Variants in APP observed in about 807,000 individuals in gnomAD.
APP encodes the protein amyloid-beta precursor protein.
APP carries 31 observed loss-of-function variants against 101.4 expected under a neutral mutation model. The ratio of observed to expected loss-of-function variants is 0.31; its 90% CI spans 0.23 to 0.41. APP has a LOEUF of 0.41. Among genes scored for constraint, APP ranks in the 10% least tolerant of loss-of-function variants. The probability of loss-of-function intolerance (pLI) is 1.00; values close to 1 mark genes in which losing one functional copy is unlikely to be tolerated. For synonymous variants in APP, 366 were observed against 364.4 expected, an observed-to-expected ratio of 1.00 and a Z score of -0.05; for missense variants, 839 against 1,003.7, an observed-to-expected ratio of 0.84 and a Z score of 2.22.
rs562765813 is a variant in APP, at chr21:26,126,181, G to A, written c.58-14035C>T. Among the ~76,000 whole-genome samples, 12 of 152,282 alleles carry A rather than the reference G, an allele frequency of 7.9e-5. No individual in the cohort carries two copies. The South Asian group carries it at 1.5e-3, about 18-fold the overall frequency. On this transcript the variant is annotated intron_variant, in intron 1 of 17. Transcript: ENST00000346798. ...CTAAGAGAAGAACACAACTGTGATC[G>A]CAAAACAGATAACATCACATAGATT...
At chr21:26,111,244 G>A (rs1351267921) in intron 2 of APP, among the ~76,000 whole-genome samples, 1 of 152,082 alleles carries the variant, frequency 6.6e-6, no homozygotes, top group African/African-American at 2.4e-5. Context: ...TGAGCTTTCT[G>A]AGTATATTTC....
intron 3 of APP, among the ~76,000 whole-genome samples, chr21:26,074,410 T>A (rs1239870068): frequency 6.6e-6 from 1 of 152,212 alleles, no homozygotes; most frequent in African/African-American, 2.4e-5. Context: ...GAATCTGAAA[T>A]TTCTAAAATC....
intron 1 of APP, among the ~76,000 whole-genome samples, chr21:26,117,111 T>C (rs1345585675): frequency 6.6e-6 from 1 of 152,200 alleles, no homozygotes; most frequent in Non-Finnish European, 1.5e-5. Context: ...CTCGAACTCC[T>C]GGCCTCAAGT....
intron 1 of APP, 80 bp from the exon 2 acceptor site, chr21:26,112,226 AAAAAGAG>A (rs2062344345): frequency 6.9e-7 from 1 of 1,447,636 alleles, no homozygotes; most frequent in African/African-American, 1.4e-5. Flanking sequence ...GATAACTATC[AAAAAGAG>A]TTCTATTCTT....
chr21:25,914,699 G>A (rs971161616), intron 13 of APP, among the ~76,000 whole-genome samples: 7 of 152,080 alleles, frequency 4.6e-5, no homozygotes, highest in Admixed American at 6.5e-5. Context: ...GACTACAGGC[G>A]CCCGCCACCA....
chr21:25,891,227 TTAAAG>T (rs2037675593), intron 17 of APP, among the ~76,000 whole-genome samples: 1 of 152,186 alleles, frequency 6.6e-6, no homozygotes, highest in Non-Finnish European at 1.5e-5. Context: ...CTGAGAAACT[TTAAAG>T]GTAAGAGTCT....
chr21:26,108,849 A>G (rs898567545), intron 2 of APP, among the ~76,000 whole-genome samples: 1 of 152,172 alleles, frequency 6.6e-6, no homozygotes, highest in Non-Finnish European at 1.5e-5. Context: ...GTGCCACTGC[A>G]CTGCAGCCTG....
chr21:26,168,054 C>A (rs1300910938), intron 1 of APP, among the ~76,000 whole-genome samples: 1 of 151,900 alleles, frequency 6.6e-6, no homozygotes, highest in Non-Finnish European at 1.5e-5. Flanking sequence ...TAGGTTAAAC[C>A]CTCAACAGAG....
chr21:25,944,447 T>G (rs146603651), intron 13 of APP, among the ~76,000 whole-genome samples: 1 of 152,324 alleles, frequency 6.6e-6, no homozygotes, highest in East Asian at 1.9e-4. Context: ...CAGCCCATAG[T>G]GCATACGGCA....
At chr21:25,958,908 T>C (rs1180678657) in intron 11 of APP, among the ~76,000 whole-genome samples, 1 of 152,184 alleles carries the variant, frequency 6.6e-6, no homozygotes, top group East Asian at 1.9e-4. Context: ...GACAGAGTCA[T>C]AGCAGCTCTC....
chr21:25,918,229 A>G (rs1282806146), intron 13 of APP, among the ~76,000 whole-genome samples: 2 of 152,234 alleles, frequency 1.3e-5, no homozygotes, highest in African/African-American at 2.4e-5. Flanking sequence ...ACATGCACAC[A>G]TATGTTTACT....
chr21:25,901,652 T>G (rs2038497359), intron 15 of APP, among the ~76,000 whole-genome samples: 1 of 152,230 alleles, frequency 6.6e-6, no homozygotes, highest in South Asian at 2.1e-4. Flanking sequence ...TAGTTTCAAA[T>G]AAATGGCAGG....
intron 13 of APP, among the ~76,000 whole-genome samples, chr21:25,938,869 CCT>C (rs2040459379): frequency 6.6e-6 from 1 of 152,322 alleles, no homozygotes. Flanking sequence ...GCTAGCTTCC[CCT>C]GTTCGTGGAT....
intron 1 of APP, chr21:26,140,382 G>A (rs1249401794): frequency 1.4e-6 from 2 of 1,465,706 alleles, no homozygotes; most frequent in African/African-American, 2.8e-5. Flanking sequence ...CAGCAAGGCT[G>A]TGCTATTTAG....
chr21:26,136,202 A>AAAGAAAAAGAAAGAAAGAAAG (rs137962980), intron 1 of APP, among the ~76,000 whole-genome samples: 3 of 100,604 alleles, frequency 3.0e-5, no homozygotes, highest in East Asian at 2.6e-4. Flanking sequence ...AGAAAGAAAG[A>AAAGAAAAAGAAAGAAAGAAAG]AAAGAAAAGA....
chr21:26,170,611 C>A lies in APP; in HGVS notation c.10G>T (p.Gly4Cys). MLP[G>C]LALLLLAAWT... ...GCGGCCAGCAGGAGCAGTGCCAAAC[C>A]GGGCAGCATCGCGACCCTGCGCGGG... The change falls in exon 1 of 18, where the codon GGT (glycine) becomes TGT (cysteine). Residue 4 changes from glycine (G) to cysteine (C), a missense_variant. Coordinates refer to ENST00000346798, the MANE Select transcript of APP (RefSeq NM_000484.4). The A allele has an allele frequency of 6.5e-7, 1 of 1,536,810 alleles. No homozygotes were observed. Among genetic ancestry groups the A allele is most frequent in the Non-Finnish European group, 8.7e-7 (1 of 1,145,734 alleles).
intron 14 of APP, among the ~76,000 whole-genome samples, chr21:25,905,613 T>C (rs1173793091): frequency 6.6e-6 from 1 of 152,208 alleles, no homozygotes; most frequent in African/African-American, 2.4e-5. Flanking sequence ...AATTTGTCCT[T>C]AGTATGAGGG....
chr21:26,074,270 T>C (rs1193475124), intron 3 of APP, among the ~76,000 whole-genome samples: 1 of 152,140 alleles, frequency 6.6e-6, no homozygotes, highest in Non-Finnish European at 1.5e-5. Context: ...TACCTACATC[T>C]ATTAATACAC....
At chr21:26,057,218 T>G (rs944077049) in intron 3 of APP, among the ~76,000 whole-genome samples, 3 of 152,244 alleles carry the variant, frequency 2.0e-5, no homozygotes, top group African/African-American at 7.2e-5. Flanking sequence ...TAAATGCTTC[T>G]GCTTATTTGC....
Sources: gnomAD v4.1 joint callset for allele counts (sites outside exome capture counted in the v4.1 genomes callset) on GRCh38, gnomAD v4.1.1 for gene constraint, MANE v1.5 for transcripts, NCBI Gene and HGNC (gene_info 2026-07-23, HGNC 2026-07-21) for gene names.